TBC1D1: variants seen among roughly 807,000 people sequenced by gnomAD.
The protein encoded by TBC1D1 is TBC1 domain family member 1, also known as TBC1 (tre-2/USP6, BUB2, cdc16) domain family, member 1.
A neutral mutation model predicts 125.6 loss-of-function variants in TBC1D1; 89 were observed. That is an observed-to-expected ratio of 0.71 (90% CI 0.60 to 0.85). The LOEUF is 0.85. Among genes scored for constraint, TBC1D1 ranks in the 40% least tolerant of loss-of-function variants. TBC1D1 has a pLI of 0.00. For synonymous variants in TBC1D1, 565 were observed against 564.1 expected (o/e 1.00, Z -0.02); for missense variants, 1,377 against 1,469.2 (o/e 0.94, Z 1.03).
At chr4:37,917,512 A>G (rs1719990089) in intron 2 of TBC1D1, among the ~76,000 whole-genome samples, 2 of 152,154 alleles carry the variant, frequency 1.3e-5, no homozygotes, top group Admixed American at 1.3e-4. Context: ...TGTAAACACT[A>G]TTTGTGAACA....
At chr4:38,107,189 G>A (rs367888838) in intron 15 of TBC1D1, among the ~76,000 whole-genome samples, 3 of 152,148 alleles carry the variant, frequency 2.0e-5, no homozygotes, top group Admixed American at 6.5e-5. Context: ...CCACTGGAAC[G>A]GGGAAACTGG....
chr4:38,081,732 G>C (rs1043316126), intron 12 of TBC1D1, among the ~76,000 whole-genome samples: 1 of 152,088 alleles, frequency 6.6e-6, no homozygotes, highest in South Asian at 2.1e-4. Flanking sequence ...ACAAAGCTGT[G>C]GGGGGTGGAT....
intron 2 of TBC1D1, among the ~76,000 whole-genome samples, chr4:37,983,364 C>T (rs1259371586): frequency 1.3e-5 from 2 of 152,114 alleles, no homozygotes; most frequent in East Asian, 1.9e-4. Flanking sequence ...CTACCTGCCT[C>T]GGCCTCCCAA....
chr4:38,015,721 G>T (rs1456158428), intron 3 of TBC1D1, among the ~76,000 whole-genome samples: 1 of 152,160 alleles, frequency 6.6e-6, no homozygotes, highest in Non-Finnish European at 1.5e-5. Flanking sequence ...GCTGACTGAC[G>T]TTCTGTAGAG....
intron 2 of TBC1D1, among the ~76,000 whole-genome samples, chr4:37,937,395 C>A (rs1724613185): frequency 6.6e-6 from 1 of 152,078 alleles, no homozygotes. Flanking sequence ...ATAATAAATG[C>A]TTACGATAAA....
At chr4:37,933,377 A>G (rs1723701192) in intron 2 of TBC1D1, among the ~76,000 whole-genome samples, 1 of 152,020 alleles carries the variant, frequency 6.6e-6, no homozygotes, top group Non-Finnish European at 1.5e-5. Context: ...ATATGTTTAT[A>G]TGTACACACA....
intron 2 of TBC1D1, among the ~76,000 whole-genome samples, chr4:37,959,533 C>A (rs1010030682): frequency 6.6e-6 from 1 of 152,098 alleles, no homozygotes; most frequent in Non-Finnish European, 1.5e-5. Flanking sequence ...TGGATCCATG[C>A]GACTCAATCC....
At chr4:38,093,874 G>A (rs1175663946) in intron 13 of TBC1D1, among the ~76,000 whole-genome samples, 1 of 152,138 alleles carries the variant, frequency 6.6e-6, no homozygotes, top group Non-Finnish European at 1.5e-5. Context: ...GCAGCCTAAT[G>A]TAAGATCACA....
intron 17 of TBC1D1, among the ~76,000 whole-genome samples, chr4:38,121,321 G>C (rs1763817265): frequency 6.6e-6 from 1 of 152,212 alleles, no homozygotes; most frequent in Admixed American, 6.5e-5. Flanking sequence ...ATTGCACTTT[G>C]AGATCATGAA....
intron 1 of TBC1D1, among the ~76,000 whole-genome samples, chr4:37,892,104 G>A (rs553845073): frequency 6.6e-6 from 1 of 152,188 alleles, no homozygotes; most frequent in South Asian, 2.1e-4. Context: ...TAATGGATAT[G>A]TTTTCCCTTC....
chr4:37,931,677 C>T (rs1723291459), intron 2 of TBC1D1, among the ~76,000 whole-genome samples: 2 of 151,780 alleles, frequency 1.3e-5, no homozygotes, highest in African/African-American at 4.8e-5. Flanking sequence ...GGGGTTTCAC[C>T]ATCTTGGTCA....
In TBC1D1 at chr4:38,103,070, C is replaced by G. The variant is rs142187678; in HGVS notation, c.2470C>G (p.Pro824Ala). Residue 824 changes from proline to alanine, a missense_variant, in exon 15 of 20, where the codon CCC becomes GCC. Coordinates refer to ENST00000261439, the MANE Select transcript of TBC1D1 (RefSeq NM_015173.4). ...GCAATTCCACCTTAAACACCAGTTT[C>G]CCAGCAAACAGCAGCCAAAGGATGT... The G allele has an allele frequency of 8.7e-6, 14 of 1,614,028 alleles. No homozygotes were observed. In the African/African-American group the frequency reaches 1.6e-4, roughly 18 times the overall value.
intron 2 of TBC1D1, among the ~76,000 whole-genome samples, chr4:38,007,407 C>T (rs1312689724): frequency 1.3e-5 from 2 of 152,008 alleles, no homozygotes; most frequent in African/African-American, 2.4e-5. Context: ...CGCCTGCCAC[C>T]ACGCCTGGTT....
At chr4:37,973,365 G>GT (rs1308411407) in intron 2 of TBC1D1, among the ~76,000 whole-genome samples, 1 of 152,210 alleles carries the variant, frequency 6.6e-6, no homozygotes, top group Non-Finnish European at 1.5e-5. Context: ...CGTTCCCGCT[G>GT]TTAACTGTTA....
At chr4:38,130,490 C>T (rs1765404149) in intron 18 of TBC1D1, among the ~76,000 whole-genome samples, 1 of 152,166 alleles carries the variant, frequency 6.6e-6, no homozygotes, top group Non-Finnish European at 1.5e-5. Context: ...AATTCTGGAA[C>T]TTGACTGAAA....
In TBC1D1 at chr4:38,135,273, C is replaced by T. The variant is rs146594978; in HGVS notation, c.3307-1862C>T. Among the ~76,000 whole-genome samples, 42 of 152,296 alleles carry T rather than the reference C, an allele frequency of 2.8e-4. 1 individual carries two copies. The East Asian group carries it at 7.5e-3, about 27-fold the overall frequency. On this transcript the variant is annotated intron_variant, in intron 19 of 19. Coordinates refer to ENST00000261439, the MANE Select transcript of TBC1D1 (RefSeq NM_015173.4). ...TCATTCCCTGTTAAATACATGTGAA[C>T]GTTGTCTAGACGCTGGAGAGCAAAT...
chr4:37,948,866 T>C (rs1174634687), intron 2 of TBC1D1, among the ~76,000 whole-genome samples: 1 of 152,224 alleles, frequency 6.6e-6, no homozygotes, highest in Non-Finnish European at 1.5e-5. Flanking sequence ...AATAGAATCA[T>C]GTAATATGTG....
chr4:38,068,702 T>C (rs1754165768), intron 12 of TBC1D1, among the ~76,000 whole-genome samples: 1 of 152,230 alleles, frequency 6.6e-6, no homozygotes, highest in African/African-American at 2.4e-5. Flanking sequence ...GCCCCTCACA[T>C]TAGCCTCATT....
intron 2 of TBC1D1, among the ~76,000 whole-genome samples, chr4:37,987,110 A>G (rs1051901729): frequency 6.6e-6 from 1 of 152,244 alleles, no homozygotes; most frequent in Non-Finnish European, 1.5e-5. Flanking sequence ...GACTTTGCTC[A>G]GAAAAACATC....
Sources: gnomAD v4.1 joint callset for allele counts (sites outside exome capture counted in the v4.1 genomes callset) on GRCh38, gnomAD v4.1.1 for gene constraint, MANE v1.5 for transcripts, NCBI Gene and HGNC (gene_info 2026-07-23, HGNC 2026-07-21) for gene names.